Variants in PCDH11X observed in about 807,000 individuals in gnomAD.
PCDH11X encodes the protein protocadherin 11 X-linked.
A neutral mutation model predicts 53.3 loss-of-function variants in PCDH11X; 18 were observed. The ratio of observed to expected loss-of-function variants is 0.34; its 90% confidence interval spans 0.23 to 0.50. The LOEUF (loss-of-function observed/expected upper bound fraction) is 0.50. Among genes scored for constraint, PCDH11X ranks in the 20% least tolerant of loss-of-function variants. The pLI, the probability that PCDH11X is intolerant of heterozygous loss-of-function variation, is 0.98. For missense variants in PCDH11X, 570 were observed against 1,032.4 expected, an observed-to-expected ratio of 0.55 and a Z score of 6.14; for synonymous variants, 279 against 393.3, an observed-to-expected ratio of 0.71 and a Z score of 3.44.
At chrX:92,130,693 A>G (rs1251135393) in intron 6 of PCDH11X, among the ~76,000 whole-genome samples, 2 of 110,010 alleles carry the variant, frequency 1.8e-5, no homozygotes, top group Non-Finnish European at 3.8e-5. Context: ...CAGTATCAAT[A>G]TTATTAAAGA....
intron 6 of PCDH11X, among the ~76,000 whole-genome samples, chrX:92,112,722 AGTTT>A (rs774805567): frequency 4.3e-4 from 46 of 108,065 alleles, no homozygotes; most frequent in South Asian, 7.5e-4. Flanking sequence ...TTTTGCTATT[AGTTT>A]GTTCAGCCAT....
intron 10 of PCDH11X, among the ~76,000 whole-genome samples, chrX:92,592,621 T>C (rs1339861904): frequency 8.2e-5 from 9 of 110,367 alleles, no homozygotes; most frequent in East Asian, 2.9e-4. Context: ...GTCCCAGGTA[T>C]TGGGGAGGCT....
chrX:91,886,834 G>A (rs1160100899), intron 6 of PCDH11X, among the ~76,000 whole-genome samples: 19 of 108,118 alleles, frequency 1.8e-4, no homozygotes, highest in Admixed American at 1.7e-3. Context: ...AGCTGGGCGT[G>A]GTGGCGGGCG....
At chrX:92,154,021 G>C (rs778996566) in intron 6 of PCDH11X, among the ~76,000 whole-genome samples, 1 of 111,150 alleles carries the variant, frequency 9.0e-6, no homozygotes, top group East Asian at 2.8e-4. Flanking sequence ...AAATGAGCAG[G>C]CTAAATACAA....
At position 92,003,047 on chromosome X, in the gene PCDH11X, A is replaced by T. The variant is rs746006293; in HGVS notation, c.3033+123774A>T. Among the ~76,000 whole-genome samples, 12 of 101,927 alleles carry T rather than the reference A, an allele frequency of 1.2e-4. No homozygotes were observed. The South Asian group carries it at 5.9e-3, about 50-fold the overall frequency. The allele number at this position is 101,927 out of a possible 115,157, so 88.5% of individuals were successfully genotyped here. On this transcript the variant is annotated intron_variant, in intron 6 of 10. Coordinates refer to ENST00000682573, the MANE Select transcript of PCDH11X (RefSeq NM_032968.5). ...TAGTCTTTCATATATGGCTTTGATT[A>T]TGTTGAGGAATGTTCCGTCTATTCC...
intron 6 of PCDH11X, among the ~76,000 whole-genome samples, chrX:91,914,848 C>T (rs1463302661): frequency 9.0e-6 from 1 of 111,458 alleles, no homozygotes. Context: ...GGTAACTTCC[C>T]TGGTCTTGCT....
At chrX:92,096,368 C>G (rs1429341521) in intron 6 of PCDH11X, among the ~76,000 whole-genome samples, 1 of 108,787 alleles carries the variant, frequency 9.2e-6, no homozygotes, top group Non-Finnish European at 1.9e-5. Flanking sequence ...CTCAGGGGGA[C>G]TATGTAAGAG....
chrX:92,223,658 C>T (rs1263764345), intron 7 of PCDH11X, among the ~76,000 whole-genome samples: 1 of 111,947 alleles, frequency 8.9e-6, no homozygotes, highest in Non-Finnish European at 1.9e-5. Flanking sequence ...TTGCGACTGA[C>T]TCACTATGTA....
intron 6 of PCDH11X, among the ~76,000 whole-genome samples, chrX:92,055,860 C>T (rs1195859935): frequency 9.0e-6 from 1 of 111,086 alleles, no homozygotes; most frequent in Non-Finnish European, 1.9e-5. Flanking sequence ...CCAGTTCCCT[C>T]CATGTCCCTG....
intron 8 of PCDH11X, among the ~76,000 whole-genome samples, chrX:92,278,035 C>G (rs2068148498): frequency 9.0e-6 from 1 of 111,466 alleles, no homozygotes; most frequent in African/African-American, 3.3e-5. Context: ...CTTCCCTAGT[C>G]CGTGACCAGC....
chrX:92,591,681 T>G (rs922573287), intron 10 of PCDH11X, among the ~76,000 whole-genome samples: 11 of 111,401 alleles, frequency 9.9e-5, no homozygotes, highest in African/African-American at 3.6e-4. Flanking sequence ...TCTGGAGGGC[T>G]GGAATATTTG....
At chrX:92,402,979 G>A (rs781483804) in intron 9 of PCDH11X, among the ~76,000 whole-genome samples, 3 of 109,968 alleles carry the variant, frequency 2.7e-5, no homozygotes, top group East Asian at 5.7e-4. Flanking sequence ...TGCCAAAAGT[G>A]TGTGCGTGTG....
intron 6 of PCDH11X, among the ~76,000 whole-genome samples, chrX:91,992,120 A>T (rs1395832308): frequency 1.9e-5 from 2 of 104,641 alleles, no homozygotes; most frequent in African/African-American, 3.5e-5. Context: ...TTTTTTTTTT[A>T]AATCTTATAG....
At chrX:91,788,935 C>T (rs1935422902) in intron 1 of PCDH11X, among the ~76,000 whole-genome samples, 1 of 111,813 alleles carries the variant, frequency 8.9e-6, no homozygotes, top group Non-Finnish European at 1.9e-5. Context: ...CGCAGCGGCT[C>T]ACGCCTGTAA....
chrX:92,311,705 G>C (rs1261253468), intron 8 of PCDH11X, among the ~76,000 whole-genome samples: 1 of 110,328 alleles, frequency 9.1e-6, no homozygotes, highest in East Asian at 2.8e-4. Context: ...CTCACTACTA[G>C]TGCTTACTTC....
At chrX:92,273,697 G>C (rs1444827001) in intron 8 of PCDH11X, among the ~76,000 whole-genome samples, 1 of 110,825 alleles carries the variant, frequency 9.0e-6, no homozygotes, top group African/African-American at 3.3e-5. Flanking sequence ...GTGGTAAGGG[G>C]TGATATTGTG....
chrX:92,304,802 A>G (rs2068792272), intron 8 of PCDH11X, among the ~76,000 whole-genome samples: 1 of 112,782 alleles, frequency 8.9e-6, no homozygotes. Flanking sequence ...AAAAATCATA[A>G]TAAACTTTGC....
At chrX:92,170,621 A>T (rs1416930828) in intron 6 of PCDH11X, among the ~76,000 whole-genome samples, 1 of 109,045 alleles carries the variant, frequency 9.2e-6, no homozygotes, top group Non-Finnish European at 1.9e-5. Flanking sequence ...TTTTAGAGAC[A>T]GCATCTTGCT....
chrX:92,598,779 A>G (rs1602417269), intron 10 of PCDH11X, among the ~76,000 whole-genome samples: 2 of 97,391 alleles, frequency 2.1e-5, no homozygotes, highest in Middle Eastern at 9.7e-3. Context: ...AGATTTGGAA[A>G]CAACCTAGGT....
Sources: gnomAD v4.1 joint callset for allele counts (sites outside exome capture counted in the v4.1 genomes callset) on GRCh38, gnomAD v4.1.1 for gene constraint, MANE v1.5 for transcripts, NCBI Gene and HGNC (gene_info 2026-07-23, HGNC 2026-07-21) for gene names.